CDH18: variants seen among roughly 807,000 people sequenced by gnomAD.
The protein encoded by CDH18 is cadherin 18.
In CDH18, 31 loss-of-function variants were observed where a neutral mutation model predicts 67.9. The observed-to-expected ratio is 0.46, with a 90% confidence interval of 0.34 to 0.62. The LOEUF (loss-of-function observed/expected upper bound fraction) is 0.62, where lower values mean the gene tolerates loss of function less well. Among genes scored for constraint, CDH18 ranks in the 20% least tolerant of loss-of-function variants. CDH18 has a pLI of 0.01. For missense variants in CDH18, 890 were observed against 975.5 expected (o/e 0.91, Z 1.17); for synonymous variants, 362 against 347.2 (o/e 1.04, Z -0.48).
intron 1 of CDH18, among the ~76,000 whole-genome samples, chr5:20,511,590 C>T (rs1755040639): frequency 1.3e-5 from 2 of 152,146 alleles, no homozygotes; most frequent in Admixed American, 6.6e-5. Flanking sequence ...TTGCAATGTC[C>T]ATGCTTGCTG....
chr5:19,958,640 T>C (rs1403121683), intron 2 of CDH18, among the ~76,000 whole-genome samples: 1 of 152,042 alleles, frequency 6.6e-6, no homozygotes, highest in Non-Finnish European at 1.5e-5. Context: ...AAATAGTCTC[T>C]ATACCACACC....
chr5:19,507,379 A>G (rs1477656333), intron 10 of CDH18, among the ~76,000 whole-genome samples: 1 of 152,200 alleles, frequency 6.6e-6, no homozygotes, highest in African/African-American at 2.4e-5. Context: ...TAGAAATGCC[A>G]TTTGACCCAG....
intron 2 of CDH18, among the ~76,000 whole-genome samples, chr5:19,957,892 T>C (rs1796411426): frequency 6.6e-6 from 1 of 152,062 alleles, no homozygotes; most frequent in Non-Finnish European, 1.5e-5. Context: ...AATATGTAGA[T>C]AACTGAAAAA....
intron 2 of CDH18, among the ~76,000 whole-genome samples, chr5:19,868,047 T>C (rs2150008348): frequency 6.6e-6 from 1 of 152,294 alleles, no homozygotes; most frequent in East Asian, 1.9e-4. Flanking sequence ...CCCTCTGCCA[T>C]GATTGTAAGA....
rs878908247 is a variant in CDH18, at chr5:19,471,896, G to C, written c.*1330C>G. Among the ~76,000 whole-genome samples the C allele has an allele frequency of 8.5e-5, 13 of 152,114 alleles. No homozygotes were observed. In the South Asian group the frequency reaches 1.0e-3, roughly 12 times the overall value. ...AGCGTCTGCAAGCTTTTATGCAATT[G>C]AATACTTTGCAGTTGGCAAAGCATT... On this transcript the variant is annotated 3_prime_UTR_variant, in exon 13 of 13. Coordinates refer to ENST00000382275, the MANE Select transcript of CDH18 (RefSeq NM_004934.5).
intron 1 of CDH18, among the ~76,000 whole-genome samples, chr5:20,396,546 C>T (rs978878607): frequency 8.6e-5 from 13 of 151,840 alleles, no homozygotes; most frequent in African/African-American, 3.1e-4. Context: ...TAAAGATAAT[C>T]TATAAATGTA....
At chr5:19,866,563 G>C (rs1581706770) in intron 2 of CDH18, among the ~76,000 whole-genome samples, 1 of 152,154 alleles carries the variant, frequency 6.6e-6, no homozygotes, top group Admixed American at 6.5e-5. Flanking sequence ...GAAGTAAGTA[G>C]GGCAGTTTAA....
At chr5:19,744,503 T>TACACACACACACACACAC (rs34059092) in intron 4 of CDH18, among the ~76,000 whole-genome samples, 11 of 146,270 alleles carry the variant, frequency 7.5e-5, no homozygotes, top group African/African-American at 2.8e-4. Flanking sequence ...TAACTCAGTG[T>TACACACACACACACACAC]ACACACACAC....
At chr5:20,348,431 T>C (rs1740888734) in intron 1 of CDH18, among the ~76,000 whole-genome samples, 1 of 152,232 alleles carries the variant, frequency 6.6e-6, no homozygotes, top group Non-Finnish European at 1.5e-5. Context: ...CTGTGCAGTT[T>C]AAAAAGCATT....
chr5:20,471,853 C>CAAAAAAAAAAAAAAAAAAAAAAAAAAA (rs1554005562), intron 1 of CDH18, among the ~76,000 whole-genome samples: 2 of 56,512 alleles, frequency 3.5e-5, no homozygotes, highest in African/African-American at 5.3e-5. Flanking sequence ...AAAAAAAAAG[C>CAAAAAAAAAAAAAAAAAAAAAAAAAAA]AAAAGCATTG....
At position 19,747,135 on chromosome 5, in the gene CDH18, G is replaced by C; in HGVS notation, c.330C>G (p.Ile110Met). ...IFIIDDTTGDIHSTKSLDREQ... is the reference protein window; with the variant it reads ...IFIIDDTTGDMHSTKSLDREQ... ...CTCTGTCTAGGCTTTTTGTTGAGTG[G>C]ATATCACCCGTGGTATCGTCAATGA... The change falls in exon 4 of 13, where the codon ATC (isoleucine) becomes ATG (methionine). Residue 110 changes from isoleucine to methionine, a missense_variant. Ile to Met is a conservative substitution (Grantham distance 10, BLOSUM62 1). Around this residue, in one of 2 missense-constraint regions of CDH18, gnomAD observed 234 missense variants for 307.4 expected, o/e 0.76. Transcript: ENST00000382275. 1 of 1,613,978 alleles carries C rather than the reference G, an allele frequency of 6.2e-7. No homozygotes were observed. Among genetic ancestry groups the C allele is most frequent in the Non-Finnish European group, 8.5e-7 (1 of 1,179,914 alleles).
chr5:20,294,439 C>T (rs945341574), intron 1 of CDH18, among the ~76,000 whole-genome samples: 6 of 152,134 alleles, frequency 3.9e-5, no homozygotes, highest in African/African-American at 1.4e-4. Flanking sequence ...CATTTGATTT[C>T]CCCTCAAAGG....
intron 2 of CDH18, among the ~76,000 whole-genome samples, chr5:20,099,701 T>A (rs1324495000): frequency 6.6e-6 from 1 of 152,174 alleles, no homozygotes; most frequent in African/African-American, 2.4e-5. Context: ...TCAAAAATAT[T>A]AGAAGATAAG....
At chr5:20,184,411 G>T (rs1737932251) in intron 2 of CDH18, among the ~76,000 whole-genome samples, 1 of 151,880 alleles carries the variant, frequency 6.6e-6, no homozygotes, top group Non-Finnish European at 1.5e-5. Context: ...CTCCTATTTT[G>T]TTTTATTTTT....
Position 19,871,891 on chromosome 5 carries a change from T to C in CDH18, c.-256-32649A>G, listed in dbSNP as rs188124529. ...TACTAAGATGTCCAGTAAGTATCAA[T>C]ACATTTTAGTTAGGATTAATGTTAA... On this transcript the variant is annotated intron_variant, in intron 2 of 12. Transcript: ENST00000382275. Among the ~76,000 whole-genome samples the C allele has an allele frequency of 2.2e-3, 330 of 152,320 alleles. 2 individuals are homozygous for C. The highest frequency in any genetic ancestry group is 7.4e-3 in the African/African-American group (307 of 41,578).
intron 2 of CDH18, among the ~76,000 whole-genome samples, chr5:19,884,107 C>T (rs1787946014): frequency 6.6e-6 from 1 of 152,052 alleles, no homozygotes; most frequent in African/African-American, 2.4e-5. Flanking sequence ...AATAGCACAT[C>T]TTTTTCTATA....
At chr5:19,590,262 C>T (rs1195182746) in intron 7 of CDH18, among the ~76,000 whole-genome samples, 3 of 151,996 alleles carry the variant, frequency 2.0e-5, no homozygotes, top group Non-Finnish European at 4.4e-5. Flanking sequence ...TGAGAAAATA[C>T]TTTAGGTGAA....
At position 19,922,456 on chromosome 5, in the gene CDH18, T is replaced by C. The variant is rs72740879; in HGVS notation, c.-257+58604A>G. On this transcript the variant is annotated intron_variant, in intron 2 of 12. Coordinates refer to ENST00000382275, the MANE Select transcript of CDH18 (RefSeq NM_004934.5). ...AGAATTTTGTGGATATTACAAGAGA[T>C]CAAGCCTGTCATATAAGCATCAAAT... Among the ~76,000 whole-genome samples, 364 of 152,324 alleles carry C rather than the reference T, an allele frequency of 2.4e-3. 1 individual carries two copies. The highest frequency in any genetic ancestry group is 3.5e-3 in the Non-Finnish European group (240 of 68,028).
rs116320949 is a variant in CDH18 at position 20,196,669 on chromosome 5, C to T, written c.-518+58775G>A. ...TACCACATATGAAATAGAATTTGAA[C>T]GGATGCCAATATTTCTACAACAGAG... On this transcript the variant is annotated intron_variant, in intron 2 of 14. Coordinates refer to the CDH18 transcript ENST00000507958. Among the ~76,000 whole-genome samples, 166 of 152,230 alleles carry T rather than the reference C, an allele frequency of 1.1e-3. 1 individual carries two copies. The highest frequency in any genetic ancestry group is 3.8e-3 in the African/African-American group (159 of 41,540).
Sources: allele counts gnomAD v4.1 joint callset (sites outside exome capture counted in the v4.1 genomes callset), GRCh38; gene constraint gnomAD v4.1.1; regional missense constraint gnomAD v4.1.1; transcripts MANE v1.5; gene names NCBI Gene and HGNC (gene_info 2026-07-23, HGNC 2026-07-21).